The following FHIT variants were observed in gnomAD, a reference collection of about 807,000 sequenced individuals.
The protein encoded by FHIT is bis(5'-adenosyl)-triphosphatase.
Under a neutral mutation model 17.9 loss-of-function variants are expected in FHIT, and 19 were observed. The observed-to-expected ratio is 1.06, with a 90% CI of 0.74 to 1.56. FHIT has a LOEUF of 1.56. Ranked by LOEUF, FHIT falls within the 40% of genes most tolerant of loss-of-function variation. FHIT has a pLI of 0.00. For synonymous variants in FHIT, 81 were observed against 69.7 expected (o/e 1.16, Z -0.81); for missense variants, 248 against 189.2 (o/e 1.31, Z -1.82).
At chr3:61,139,547 G>C (rs1036075268) in intron 2 of FHIT, among the ~76,000 whole-genome samples, 2 of 150,448 alleles carry the variant, frequency 1.3e-5, no homozygotes, top group Admixed American at 6.7e-5. Flanking sequence ...AGCTCTCGGT[G>C]ATAAGTAAAC....
chr3:59,774,308 G>A (rs1702206956), intron 8 of FHIT, among the ~76,000 whole-genome samples: 1 of 152,180 alleles, frequency 6.6e-6, no homozygotes, highest in African/African-American at 2.4e-5. Flanking sequence ...ATAGCCTGAA[G>A]AGCTTAAAAT....
At chr3:59,771,049 T>G (rs1702051147) in intron 8 of FHIT, among the ~76,000 whole-genome samples, 1 of 152,246 alleles carries the variant, frequency 6.6e-6, no homozygotes, top group South Asian at 2.1e-4. Flanking sequence ...TTGAAATACC[T>G]GCACTCTAGT....
chr3:60,740,655 T>C (rs1234204657), intron 4 of FHIT, among the ~76,000 whole-genome samples: 1 of 152,194 alleles, frequency 6.6e-6, no homozygotes, highest in Non-Finnish European at 1.5e-5. Context: ...CTCTAGAACA[T>C]CTTTTATTTT....
intron 1 of FHIT, among the ~76,000 whole-genome samples, chr3:61,204,390 G>A (rs1290324732): frequency 1.3e-5 from 2 of 152,034 alleles, no homozygotes; most frequent in Non-Finnish European, 2.9e-5. Flanking sequence ...AAATTATTTT[G>A]CATGTAGGCT....
chr3:60,059,445 C>T (rs781293155), intron 5 of FHIT, among the ~76,000 whole-genome samples: 2 of 152,158 alleles, frequency 1.3e-5, no homozygotes, highest in Non-Finnish European at 2.9e-5. Context: ...ACACAAGGCC[C>T]AGAAGTACAA....
At chr3:60,211,892 C>T (rs751425013) in intron 5 of FHIT, among the ~76,000 whole-genome samples, 14 of 152,086 alleles carry the variant, frequency 9.2e-5, no homozygotes, top group Non-Finnish European at 1.9e-4. Context: ...TTAATGTTCG[C>T]TTTTCATATG....
chr3:60,444,944 G>A (rs1344900324), intron 5 of FHIT, among the ~76,000 whole-genome samples: 1 of 151,954 alleles, frequency 6.6e-6, no homozygotes, highest in African/African-American at 2.4e-5. Flanking sequence ...CAATTTTCTG[G>A]CTGAGGAGAA....
At chr3:61,174,487 C>T (rs1576151568) in intron 2 of FHIT, among the ~76,000 whole-genome samples, 1 of 152,102 alleles carries the variant, frequency 6.6e-6, no homozygotes, top group African/African-American at 2.4e-5. Flanking sequence ...GGTTCATCTG[C>T]GTTGGCAAAT....
At chr3:60,588,843 C>A (rs1394021597) in intron 4 of FHIT, among the ~76,000 whole-genome samples, 1 of 151,972 alleles carries the variant, frequency 6.6e-6, no homozygotes, top group African/African-American at 2.4e-5. Context: ...CCAGATTCAC[C>A]TTACCCTAAG....
intron 8 of FHIT, among the ~76,000 whole-genome samples, chr3:59,767,788 A>T (rs890992910): frequency 1.3e-5 from 2 of 152,156 alleles, no homozygotes; most frequent in African/African-American, 4.8e-5. Context: ...GAAGAAGTTA[A>T]GGCTTAGAGA....
chr3:59,932,016 G>A (rs1705997095), intron 7 of FHIT, among the ~76,000 whole-genome samples: 2 of 152,124 alleles, frequency 1.3e-5, no homozygotes, highest in Admixed American at 1.3e-4. Context: ...TATATAAAGT[G>A]TCACTGAACT....
At chr3:61,181,667 T>C (rs2107171756) in intron 2 of FHIT, among the ~76,000 whole-genome samples, 2 of 152,304 alleles carry the variant, frequency 1.3e-5, no homozygotes. Flanking sequence ...ATCTACCATG[T>C]AGTCCAAGTC....
intron 2 of FHIT, among the ~76,000 whole-genome samples, chr3:61,122,319 T>C (rs1040407702): frequency 6.6e-6 from 1 of 152,232 alleles, no homozygotes; most frequent in East Asian, 1.9e-4. Context: ...AAACTGAAAC[T>C]GGACCCCTTC....
intron 3 of FHIT, among the ~76,000 whole-genome samples, chr3:60,926,514 CA>C (rs1707623152): frequency 6.6e-6 from 1 of 152,082 alleles, no homozygotes; most frequent in Admixed American, 6.5e-5. Context: ...CCAATGAGAA[CA>C]AAGACACAAC....
chr3:60,335,884 A>C (rs537351715), intron 5 of FHIT, among the ~76,000 whole-genome samples: 15 of 152,288 alleles, frequency 9.8e-5, no homozygotes, highest in African/African-American at 3.4e-4. Context: ...CCACTAAGAA[A>C]AATTTTTAAA....
chr3:60,566,201 T>C (rs1466987762), intron 4 of FHIT, among the ~76,000 whole-genome samples: 1 of 152,144 alleles, frequency 6.6e-6, no homozygotes, highest in African/African-American at 2.4e-5. Context: ...TTGGAATCAG[T>C]GCGGTGCGGT....
chr3:60,556,996 C>T (rs1407117827), intron 4 of FHIT, among the ~76,000 whole-genome samples: 1 of 152,208 alleles, frequency 6.6e-6, no homozygotes, highest in Admixed American at 6.5e-5. Flanking sequence ...AAGGAGAGAC[C>T]ATTCCGTTAG....
intron 3 of FHIT, among the ~76,000 whole-genome samples, chr3:60,962,640 G>T (rs1435769304): frequency 2.6e-5 from 4 of 152,154 alleles, no homozygotes; most frequent in African/African-American, 9.7e-5. Context: ...TTAGCATGAA[G>T]CATTGTTGAA....
chr3:60,271,837 G>A (rs1050198827), intron 5 of FHIT, among the ~76,000 whole-genome samples: 1 of 152,196 alleles, frequency 6.6e-6, no homozygotes, highest in African/African-American at 2.4e-5. Flanking sequence ...GTATAAAAGA[G>A]CAGATAGTAG....
Sources: allele counts gnomAD v4.1 joint callset (sites outside exome capture counted in the v4.1 genomes callset), GRCh38; gene constraint gnomAD v4.1.1; transcripts MANE v1.5; gene names NCBI Gene and HGNC (gene_info 2026-07-23, HGNC 2026-07-21).